Variants in IL1RAPL1 observed in about 807,000 individuals in gnomAD.
The protein encoded by IL1RAPL1 is interleukin 1 receptor accessory protein like 1, also known as interleukin-1 receptor accessory protein-like 1.
IL1RAPL1 carries 3 observed loss-of-function variants against 48.4 expected under a neutral mutation model. The ratio of observed to expected loss-of-function variants is 0.06; its 90% confidence interval spans 0.03 to 0.16. The LOEUF is 0.16. Ranked by LOEUF, IL1RAPL1 falls within the 10% of genes least tolerant of loss-of-function variation. The probability of loss-of-function intolerance (pLI) is 1.00; values close to 1 mark genes in which losing one functional copy is unlikely to be tolerated. For missense variants in IL1RAPL1, 349 were observed against 530.6 expected (o/e 0.66, Z 3.36); for synonymous variants, 185 against 187.7 (o/e 0.99, Z 0.12).
chrX:29,110,966 T>C (rs1401682529), intron 2 of IL1RAPL1, among the ~76,000 whole-genome samples: 1 of 111,429 alleles, frequency 9.0e-6, no homozygotes, highest in Non-Finnish European at 1.9e-5. Context: ...GATTATATCT[T>C]TTTCATATGT....
intron 5 of IL1RAPL1, among the ~76,000 whole-genome samples, chrX:29,400,004 C>T (rs750934361): frequency 1.4e-4 from 16 of 111,633 alleles, no homozygotes; most frequent in Admixed American, 3.8e-4. Flanking sequence ...TTAGAAAAGT[C>T]GCTTTTCTCT....
intron 5 of IL1RAPL1, among the ~76,000 whole-genome samples, chrX:29,600,427 A>C (rs1923683349): frequency 8.9e-6 from 1 of 111,751 alleles, no homozygotes; most frequent in Admixed American, 9.5e-5. Context: ...TGGAGGTATC[A>C]GGGGAGTGAA....
chrX:29,011,896 T>C (rs1926131531), intron 2 of IL1RAPL1, among the ~76,000 whole-genome samples: 2 of 112,565 alleles, frequency 1.8e-5, no homozygotes, highest in Non-Finnish European at 3.7e-5. Context: ...AATAATGAAT[T>C]CAATTGGAGT....
chrX:28,720,373 A>T (rs933990976), intron 1 of IL1RAPL1, among the ~76,000 whole-genome samples: 1 of 111,673 alleles, frequency 9.0e-6, no homozygotes, highest in African/African-American at 3.3e-5. Flanking sequence ...TGGCACAAGG[A>T]AACAATGTAG....
chrX:29,273,006 T>G (rs1446293023), intron 2 of IL1RAPL1, among the ~76,000 whole-genome samples: 2 of 112,116 alleles, frequency 1.8e-5, no homozygotes, highest in Non-Finnish European at 3.8e-5. Context: ...TTTCTTAACA[T>G]GTCTATTTTG....
intron 9 of IL1RAPL1, among the ~76,000 whole-genome samples, chrX:29,945,559 T>C (rs1280523853): frequency 8.9e-6 from 1 of 112,467 alleles, no homozygotes; most frequent in African/African-American, 3.2e-5. Flanking sequence ...TAATAATAGA[T>C]TCAATGGCCA....
chrX:28,917,732 A>G (rs983757419), intron 2 of IL1RAPL1, among the ~76,000 whole-genome samples: 85 of 112,277 alleles, frequency 7.6e-4, no homozygotes, highest in African/African-American at 2.7e-3. Context: ...ATAAATAATT[A>G]TTGGCTTACT....
At chrX:29,913,320 CT>C (rs1932773743) in intron 6 of IL1RAPL1, among the ~76,000 whole-genome samples, 1 of 110,204 alleles carries the variant, frequency 9.1e-6, no homozygotes, top group Non-Finnish European at 1.9e-5. Context: ...CTCAAATTGA[CT>C]TTCTGTTCTG....
intron 2 of IL1RAPL1, among the ~76,000 whole-genome samples, chrX:28,887,993 G>T (rs1031024161): frequency 1.8e-4 from 20 of 111,149 alleles, no homozygotes; most frequent in African/African-American, 5.9e-4. Flanking sequence ...TATTGCCTTT[G>T]CATCAATAAT....
intron 1 of IL1RAPL1, among the ~76,000 whole-genome samples, chrX:28,742,071 A>G (rs1935914071): frequency 9.0e-6 from 1 of 111,497 alleles, no homozygotes; most frequent in Non-Finnish European, 1.9e-5. Context: ...TTCTCTGCGC[A>G]GACTGGCAGA....
chrX:29,396,210 TG>T, intron 3 of IL1RAPL1, 47 bp from the exon 4 acceptor site: 4 of 1,066,032 alleles, frequency 3.8e-6, no homozygotes, highest in Non-Finnish European at 5.2e-6. Context: ...TGGCAGCACT[TG>T]CTTTTTGTTC....
At chrX:29,448,396 A>G (rs1569313481) in intron 5 of IL1RAPL1, among the ~76,000 whole-genome samples, 1 of 112,152 alleles carries the variant, frequency 8.9e-6, no homozygotes, top group Non-Finnish European at 1.9e-5. Flanking sequence ...TCCATATTAC[A>G]GAGATTGAGT....
At chrX:29,416,109 T>G (rs1029493181) in intron 5 of IL1RAPL1, among the ~76,000 whole-genome samples, 1 of 112,084 alleles carries the variant, frequency 8.9e-6, no homozygotes, top group Non-Finnish European at 1.9e-5. Context: ...GTCTCAGATT[T>G]GTTTTTCTTC....
chrX:29,024,200 A>G (rs764780796), intron 2 of IL1RAPL1, among the ~76,000 whole-genome samples: 1 of 111,980 alleles, frequency 8.9e-6, no homozygotes, highest in South Asian at 3.7e-4. Flanking sequence ...GCAATGGGTC[A>G]CACTACTTCT....
At chrX:28,789,654 G>A (rs1257382700) in intron 2 of IL1RAPL1, among the ~76,000 whole-genome samples, 1 of 112,103 alleles carries the variant, frequency 8.9e-6, no homozygotes. Flanking sequence ...AATTGGCATG[G>A]ATTCAATAGC....
At chrX:29,136,876 T>C (rs1929139525) in intron 2 of IL1RAPL1, among the ~76,000 whole-genome samples, 1 of 111,491 alleles carries the variant, frequency 9.0e-6, no homozygotes, top group Non-Finnish European at 1.9e-5. Flanking sequence ...ACTGAGGCAG[T>C]GATAGGGTTG....
intron 6 of IL1RAPL1, among the ~76,000 whole-genome samples, chrX:29,863,784 C>CTT (rs1225575729): frequency 9.5e-6 from 1 of 105,069 alleles, no homozygotes. Flanking sequence ...ACACATACAA[C>CTT]TTTTTTTTTT....
chrX:29,813,147 G>T (rs755764176), intron 6 of IL1RAPL1, among the ~76,000 whole-genome samples: 4 of 111,418 alleles, frequency 3.6e-5, no homozygotes, highest in African/African-American at 1.3e-4. Context: ...CATTAATAAA[G>T]GAAAATATAT....
chrX:29,325,459 T>G (rs894819396), intron 3 of IL1RAPL1, among the ~76,000 whole-genome samples: 1 of 112,441 alleles, frequency 8.9e-6, no homozygotes, highest in Non-Finnish European at 1.9e-5. Flanking sequence ...TTCTAAACTT[T>G]GTTATTTTAT....
Sources: allele counts gnomAD v4.1 joint callset (sites outside exome capture counted in the v4.1 genomes callset), GRCh38; gene constraint gnomAD v4.1.1; transcripts MANE v1.5; gene names NCBI Gene and HGNC (gene_info 2026-07-23, HGNC 2026-07-21).